Variants in CTNNA3 observed in about 807,000 individuals in gnomAD.
CTNNA3 encodes the protein catenin alpha-3.
A neutral mutation model predicts 95.7 loss-of-function variants in CTNNA3; 76 were observed. The ratio of observed to expected loss-of-function variants is 0.79; its 90% CI spans 0.66 to 0.96. The LOEUF is 0.96. CTNNA3 is among the 40% of genes least tolerant of loss of function. CTNNA3 has a pLI of 0.00. For synonymous variants in CTNNA3, 431 were observed against 374.4 expected (o/e 1.15, Z -1.74); for missense variants, 1,191 against 1,089.8 (o/e 1.09, Z -1.31).
chr10:66,082,914 A>G lies in CTNNA3; in HGVS notation c.1978-13425T>C, dbSNP rs76000467. Among the ~76,000 whole-genome samples, 616 of 151,600 alleles carry G rather than the reference A, an allele frequency of 4.1e-3. 31 individuals are homozygous for G. The East Asian group carries it at 0.1, about 25-fold the overall frequency. ...TGCAGCAAAATACTGCATATTTTCT[A>G]AGCACACTTTTTAAGTATTGTCATA... is the stretch of plus-strand genomic sequence containing the variant. On this transcript the variant is annotated intron_variant, in intron 14 of 17. Coordinates refer to ENST00000433211, the MANE Select transcript of CTNNA3 (RefSeq NM_013266.4).
At position 66,459,743 on chromosome 10, in the gene CTNNA3, G is replaced by A. The variant is rs1022396068; in HGVS notation, c.1531+60874C>T. Among the ~76,000 whole-genome samples, 46 of 152,212 alleles carry A rather than the reference G, an allele frequency of 3.0e-4. 1 individual carries two copies. The highest frequency in any genetic ancestry group is 1.1e-3 in the African/African-American group (44 of 41,544). Reference sequence around the variant, plus strand: ...AAATACTGGAGGCAACTGTAACACAGGGTAAGTGTTTATGCATTTAAACAT... The same window carrying A: ...AAATACTGGAGGCAACTGTAACACAAGGTAAGTGTTTATGCATTTAAACAT... On this transcript the variant is annotated intron_variant, in intron 11 of 17. Coordinates refer to ENST00000433211, the MANE Select transcript of CTNNA3 (RefSeq NM_013266.4).
intron 15 of CTNNA3, among the ~76,000 whole-genome samples, chr10:65,992,872 T>G (rs1391030493): frequency 6.6e-6 from 1 of 152,184 alleles, no homozygotes; most frequent in Non-Finnish European, 1.5e-5. Context: ...TAGTAGGAAT[T>G]TATTGCTATG....
chr10:66,564,659 G>T (rs1212276872), intron 10 of CTNNA3, among the ~76,000 whole-genome samples: 4 of 152,136 alleles, frequency 2.6e-5, no homozygotes, highest in Non-Finnish European at 5.9e-5. Flanking sequence ...TTCATTCTCA[G>T]TAACCTACTT....
At chr10:67,247,943 G>C (rs1228274099) in intron 5 of CTNNA3, among the ~76,000 whole-genome samples, 1 of 152,128 alleles carries the variant, frequency 6.6e-6, no homozygotes, top group East Asian at 1.9e-4. Context: ...CAATGTAATA[G>C]ACATCAGAGT....
intron 5 of CTNNA3, among the ~76,000 whole-genome samples, chr10:67,248,527 C>T (rs1163042443): frequency 2.0e-5 from 3 of 152,024 alleles, no homozygotes; most frequent in Non-Finnish European, 4.4e-5. Context: ...GTGATTCTCC[C>T]ACCTCAGCCC....
At chr10:67,513,170 T>C (rs10997687) in intron 5 of CTNNA3, among the ~76,000 whole-genome samples, 18,478 of 152,152 alleles carry the variant, frequency 0.12, 1,494 homozygotes, top group East Asian at 0.31. Flanking sequence ...ATAGTCCCAA[T>C]GCAACAAGGT....
intron 3 of CTNNA3, among the ~76,000 whole-genome samples, chr10:67,564,677 G>GTGTATATATATA (rs1488656262): frequency 4.9e-5 from 3 of 61,310 alleles, no homozygotes; most frequent in African/African-American, 1.3e-4. Flanking sequence ...GTGTGTGTGT[G>GTGTATATATATA]TATATATATA....
chr10:67,079,863 AC>A, intron 7 of CTNNA3, among the ~76,000 whole-genome samples: 1 of 12,624 alleles, frequency 7.9e-5, no homozygotes, highest in Non-Finnish European at 1.3e-4. Context: ...AACAAAACAC[AC>A]ACACACACAC....
At chr10:66,548,948 T>C (rs901678650) in intron 10 of CTNNA3, among the ~76,000 whole-genome samples, 1 of 151,808 alleles carries the variant, frequency 6.6e-6, no homozygotes, top group African/African-American at 2.4e-5. Context: ...ATTAAAATTA[T>C]TCTGGCTTAA....
At chr10:67,413,353 C>T (rs1481835304) in intron 5 of CTNNA3, among the ~76,000 whole-genome samples, 1 of 152,008 alleles carries the variant, frequency 6.6e-6, no homozygotes, top group Non-Finnish European at 1.5e-5. Flanking sequence ...CAATGAAGGG[C>T]ACTGCATAAC....
rs145972137 is a variant in CTNNA3, at chr10:66,631,229, A to T, written c.1282-9445T>A. ...TGGTCATCCATCTATAAGATGAGGA[A>T]CAGATTGACTTCATTTCTAGACCTC... On this transcript the variant is annotated intron_variant, in intron 9 of 17. Transcript: ENST00000433211. 6.4e-3 allele frequency among the ~76,000 whole-genome samples: 973 copies of T among 152,290 alleles called. 12 individuals carry two copies. The highest frequency in any genetic ancestry group is 0.022 in the African/African-American group (916 of 41,552).
chr10:67,166,875 G>A (rs1861791014), intron 7 of CTNNA3, among the ~76,000 whole-genome samples: 1 of 152,208 alleles, frequency 6.6e-6, no homozygotes, highest in Non-Finnish European at 1.5e-5. Context: ...GGGAGGCCGA[G>A]GCAGGTGGAT....
chr10:66,987,736 T>C (rs1850813793), intron 7 of CTNNA3, among the ~76,000 whole-genome samples: 1 of 152,178 alleles, frequency 6.6e-6, no homozygotes, highest in South Asian at 2.1e-4. Flanking sequence ...GCTGGCAAAA[T>C]AAAAATTATG....
intron 11 of CTNNA3, among the ~76,000 whole-genome samples, chr10:66,384,588 G>A (rs932916170): frequency 3.3e-5 from 5 of 152,140 alleles, no homozygotes; most frequent in African/African-American, 9.7e-5. Context: ...GCAACAGGCA[G>A]ACCTAATAGA....
At chr10:66,352,276 C>T (rs1316559374) in intron 12 of CTNNA3, among the ~76,000 whole-genome samples, 1 of 152,058 alleles carries the variant, frequency 6.6e-6, no homozygotes, top group Non-Finnish European at 1.5e-5. Flanking sequence ...TATCTCATTT[C>T]ATAAATTGAT....
chr10:66,715,172 C>T (rs917211233), intron 9 of CTNNA3, among the ~76,000 whole-genome samples: 13 of 152,122 alleles, frequency 8.5e-5, no homozygotes, highest in African/African-American at 3.1e-4. Context: ...GCCTATTCCA[C>T]TTCTTCCAGG....
At chr10:67,283,649 C>G (rs1012813598) in intron 5 of CTNNA3, among the ~76,000 whole-genome samples, 8 of 152,176 alleles carry the variant, frequency 5.3e-5, no homozygotes, top group Non-Finnish European at 1.2e-4. Context: ...TACTTGATCT[C>G]TCAAGTCACC....
At chr10:66,930,130 T>A (rs111645306) in intron 7 of CTNNA3, among the ~76,000 whole-genome samples, 5,505 of 152,204 alleles carry the variant, frequency 0.036, 135 homozygotes, top group Middle Eastern at 0.071. Flanking sequence ...AAATAAAATT[T>A]TAAGGATGCC....
At chr10:66,930,739 C>T (rs930210807) in intron 7 of CTNNA3, among the ~76,000 whole-genome samples, 4 of 152,084 alleles carry the variant, frequency 2.6e-5, no homozygotes, top group African/African-American at 9.7e-5. Flanking sequence ...TGATATAACA[C>T]TAAATGAATC....
Sources: allele counts gnomAD v4.1 joint callset (sites outside exome capture counted in the v4.1 genomes callset), GRCh38; gene constraint gnomAD v4.1.1; transcripts MANE v1.5; gene names NCBI Gene and HGNC (gene_info 2026-07-23, HGNC 2026-07-21).